TMEM178B: variants seen among roughly 807,000 people sequenced by gnomAD.
TMEM178B encodes the protein transmembrane protein 178B.
TMEM178B carries 5 observed loss-of-function variants against 31.0 expected under a neutral mutation model. That is an observed-to-expected ratio of 0.16 (90% CI 0.08 to 0.34). The LOEUF (loss-of-function observed/expected upper bound fraction) is 0.34. TMEM178B is among the 10% of genes least tolerant of loss of function. The pLI, the probability that TMEM178B is intolerant of heterozygous loss-of-function variation, is 1.00. For synonymous variants in TMEM178B, 164 were observed against 164.0 expected (o/e 1.00, Z 0.00); for missense variants, 275 against 400.3 (o/e 0.69, Z 2.67).
chr7:141,385,490 A>G (rs192592257), intron 2 of TMEM178B, among the ~76,000 whole-genome samples: 1 of 152,232 alleles, frequency 6.6e-6, no homozygotes, highest in Non-Finnish European at 1.5e-5. Context: ...AACATTACAT[A>G]TAACTGTGAA....
chr7:141,447,419 A>G (rs953101025), intron 3 of TMEM178B, among the ~76,000 whole-genome samples: 2 of 151,990 alleles, frequency 1.3e-5, no homozygotes, highest in Non-Finnish European at 2.9e-5. Flanking sequence ...TTGGGTCTGA[A>G]GAAGTTGAGT....
intron 2 of TMEM178B, among the ~76,000 whole-genome samples, chr7:141,340,327 C>T (rs1799495150): frequency 6.6e-6 from 1 of 152,156 alleles, no homozygotes; most frequent in Non-Finnish European, 1.5e-5. Flanking sequence ...TGTTGTAAGC[C>T]ACTAAATTTG....
chr7:141,208,311 A>G (rs1200496985), intron 1 of TMEM178B, among the ~76,000 whole-genome samples: 3 of 152,184 alleles, frequency 2.0e-5, no homozygotes, highest in Admixed American at 1.3e-4. Context: ...GGGAGAGCAG[A>G]GACTCTGGGC....
intron 2 of TMEM178B, among the ~76,000 whole-genome samples, chr7:141,268,583 A>G (rs1190920585): frequency 6.6e-6 from 1 of 152,274 alleles, no homozygotes; most frequent in Non-Finnish European, 1.5e-5. Context: ...TAAAGGTGAC[A>G]CAACTTTTCA....
intron 1 of TMEM178B, among the ~76,000 whole-genome samples, chr7:141,177,713 T>G (rs569239064): frequency 1.1e-4 from 17 of 152,340 alleles, no homozygotes; most frequent in African/African-American, 3.8e-4. Flanking sequence ...CTTTGTCTCT[T>G]TTGATCTTTG....
At chr7:141,225,905 C>T (rs1439495478) in intron 2 of TMEM178B, among the ~76,000 whole-genome samples, 1 of 152,144 alleles carries the variant, frequency 6.6e-6, no homozygotes, top group Non-Finnish European at 1.5e-5. Flanking sequence ...GTCTTAGGCC[C>T]CAGTCTCAGT....
intron 2 of TMEM178B, among the ~76,000 whole-genome samples, chr7:141,220,978 G>A (rs1358838464): frequency 6.6e-6 from 1 of 152,166 alleles, no homozygotes; most frequent in East Asian, 1.9e-4. Flanking sequence ...CAAATTACTT[G>A]TTGCTTAATG....
At chr7:141,114,577 C>G (rs1440189416) in intron 1 of TMEM178B, among the ~76,000 whole-genome samples, 4 of 152,238 alleles carry the variant, frequency 2.6e-5, no homozygotes, top group Non-Finnish European at 5.9e-5. Context: ...AATGCTCTCT[C>G]CTTCTGCCCT....
rs1367620992 is a variant in TMEM178B at position 141,074,254 on chromosome 7, C to A, written c.-57C>A. The A allele has an allele frequency of 4.8e-6, 7 of 1,451,030 alleles. No homozygotes were observed. Among genetic ancestry groups the A allele is most frequent in the Non-Finnish European group, 6.3e-6 (7 of 1,103,652 alleles). The allele number at this position is 1,451,030 out of a possible 1,614,324, so 89.9% of individuals were successfully genotyped here. ...GCCCGCCGCTTTGTTCCGGGTGCGG[C>A]GAGGGAAGGCGAGGCTGCGGCGGAT... On this transcript the variant is annotated 5_prime_UTR_variant, in exon 1 of 4. Coordinates refer to ENST00000565468, the MANE Select transcript of TMEM178B (RefSeq NM_001195278.2). The surrounding 1 kb of genome is among the most constrained non-coding windows in gnomAD (Gnocchi z 5.1).
intron 2 of TMEM178B, among the ~76,000 whole-genome samples, chr7:141,334,439 A>G (rs1163121123): frequency 6.6e-6 from 1 of 152,184 alleles, no homozygotes; most frequent in Non-Finnish European, 1.5e-5. Flanking sequence ...CATGCTAGCT[A>G]TTATTAATGG....
chr7:141,492,813 G>C, the TMEM178B span, among the ~76,000 whole-genome samples: 1 of 152,144 alleles, frequency 6.6e-6, no homozygotes, highest in South Asian at 2.1e-4. Flanking sequence ...TCCCCAGTGA[G>C]AGGTGGCCCA....
At chr7:141,198,787 G>A (rs572912328) in intron 1 of TMEM178B, among the ~76,000 whole-genome samples, 2 of 152,290 alleles carry the variant, frequency 1.3e-5, no homozygotes, top group African/African-American at 4.8e-5. Flanking sequence ...TCAGAGCCTG[G>A]AGATGAATGA....
intron 1 of TMEM178B, among the ~76,000 whole-genome samples, chr7:141,156,883 G>T (rs1009577610): frequency 3.9e-5 from 6 of 152,180 alleles, no homozygotes; most frequent in African/African-American, 1.4e-4. Context: ...GGTTTCAGAT[G>T]CATCTGTTGA....
chr7:141,241,043 G>T (rs6464434), intron 2 of TMEM178B, among the ~76,000 whole-genome samples: 31 of 148,060 alleles, frequency 2.1e-4, no homozygotes, highest in Admixed American at 8.7e-4. Flanking sequence ...GGGTACAAGC[G>T]TTTTTTTTTG....
chr7:141,282,993 A>ACTTGGT (rs1798390232), intron 2 of TMEM178B, among the ~76,000 whole-genome samples: 1 of 152,162 alleles, frequency 6.6e-6, no homozygotes, highest in African/African-American at 2.4e-5. Flanking sequence ...GTTGGTACAA[A>ACTTGGT]AGTAATTGTA....
At chr7:141,181,674 C>T (rs965343969) in intron 1 of TMEM178B, among the ~76,000 whole-genome samples, 16 of 152,286 alleles carry the variant, frequency 1.1e-4, no homozygotes, top group African/African-American at 2.9e-4. Flanking sequence ...ACAGTGAGTT[C>T]GGGTTCACAA....
chr7:141,296,484 A>G (rs1404766250), intron 2 of TMEM178B, among the ~76,000 whole-genome samples: 1 of 152,196 alleles, frequency 6.6e-6, no homozygotes, highest in Non-Finnish European at 1.5e-5. Context: ...TAGGCTGAGG[A>G]TGCAGAGATG....
rs1215070541 is a variant in TMEM178B, at chr7:141,477,776, A to G, written c.*6990A>G. The G allele has an allele frequency of 6.6e-6, 1 of 152,180 alleles. No homozygotes were observed. The highest frequency in any genetic ancestry group is 1.5e-5 in the Non-Finnish European group (1 of 68,056). The allele number at this position is 152,180 out of a possible 1,614,324, so 9.4% of individuals were successfully genotyped here. A position where few individuals can be genotyped will look rare whatever the true frequency, so the allele number is the denominator to read the frequency against. On this transcript the variant is annotated 3_prime_UTR_variant, in exon 4 of 4. Transcript: ENST00000565468. ...GCCCTTGCTAGTGCGTGCTTACTGC[A>G]TGGAGGTAAATTAGGAGATGTTTTC...
chr7:141,328,313 A>G (rs1243029235), intron 2 of TMEM178B, among the ~76,000 whole-genome samples: 1 of 152,214 alleles, frequency 6.6e-6, no homozygotes, highest in African/African-American at 2.4e-5. Flanking sequence ...TGGGGGAATA[A>G]GAGAAGGAAC....
Sources: allele counts gnomAD v4.1 joint callset (sites outside exome capture counted in the v4.1 genomes callset), GRCh38; gene constraint gnomAD v4.1.1; non-coding constraint Gnocchi (gnomAD v3.1); transcripts MANE v1.5; gene names NCBI Gene and HGNC (gene_info 2026-07-23, HGNC 2026-07-21).